Variants in NEK11 observed in about 807,000 individuals in gnomAD.
NEK11 encodes the protein NIMA related kinase 11, also known as serine/threonine-protein kinase Nek11.
A neutral mutation model predicts 80.7 loss-of-function variants in NEK11; 72 were observed. The ratio of observed to expected loss-of-function variants is 0.89; its 90% CI spans 0.74 to 1.08. NEK11 has a LOEUF of 1.08. NEK11 is among the 50% of genes least tolerant of loss of function. The pLI is 0.00. For synonymous variants in NEK11, 251 were observed against 260.7 expected (o/e 0.96, Z 0.36); for missense variants, 764 against 763.6 (o/e 1.00, Z -0.01).
chr3:131,323,626 C>T (rs140931590), intron 17 of NEK11, among the ~76,000 whole-genome samples: 2 of 152,168 alleles, frequency 1.3e-5, no homozygotes, highest in East Asian at 3.9e-4. Context: ...ATGAGAAATT[C>T]GTGAAAATCA....
rs1553878531 is a variant in NEK11, at chr3:131,115,962, C to CTTTCTTTCTTTCTT, written c.455+6043_455+6056dup. Reference sequence around the variant, plus strand: ...TCTTTCTTTCTTTCTTTCTTTCTTTCTTTCTTTCTTTCTTTCTTTCTTTCT... The same window carrying CTTTCTTTCTTTCTT: ...TCTTTCTTTCTTTCTTTCTTTCTTTCTTTCTTTCTTTCTTTTTCTTTCTTTCTTTCTTTCTTTCT... On this transcript the variant is annotated intron_variant, in intron 5 of 17. Transcript: ENST00000383366. Among the ~76,000 whole-genome samples the CTTTCTTTCTTTCTT allele has an allele frequency of 1.3e-3, 186 of 140,990 alleles. 1 individual carries two copies. Among genetic ancestry groups the CTTTCTTTCTTTCTT allele is most frequent in the East Asian group, 7.8e-3 (35 of 4,490 alleles). The allele number at this position is 140,990 out of a possible 152,430, so 92.5% of individuals were successfully genotyped here.
chr3:131,250,803 G>C (rs1302993335), intron 16 of NEK11, among the ~76,000 whole-genome samples: 1 of 152,082 alleles, frequency 6.6e-6, no homozygotes, highest in Non-Finnish European at 1.5e-5. Context: ...GGAGTTTGCA[G>C]TTCCTTTGGT....
chr3:131,344,088 C>T (rs2097326717), intron 17 of NEK11, among the ~76,000 whole-genome samples: 1 of 152,174 alleles, frequency 6.6e-6, no homozygotes, highest in African/African-American at 2.4e-5. Context: ...CTATCCTTCC[C>T]TTTTAAATAT....
At chr3:131,242,181 A>C (rs1189612710) in intron 15 of NEK11, among the ~76,000 whole-genome samples, 1 of 152,162 alleles carries the variant, frequency 6.6e-6, no homozygotes, top group African/African-American at 2.4e-5. Flanking sequence ...ATTTGACTAA[A>C]CTTGAATCTG....
intron 17 of NEK11, among the ~76,000 whole-genome samples, chr3:131,301,802 C>T (rs1320340690): frequency 6.6e-6 from 1 of 151,902 alleles, no homozygotes; most frequent in Non-Finnish European, 1.5e-5. Flanking sequence ...TGGATTTTTG[C>T]ATCTATGTTC....
intron 17 of NEK11, among the ~76,000 whole-genome samples, chr3:131,332,545 T>TA (rs1341448669): frequency 6.6e-6 from 1 of 152,126 alleles, no homozygotes; most frequent in African/African-American, 2.4e-5. Context: ...CTGGAAACTC[T>TA]AAAAAACAGA....
intron 14 of NEK11, among the ~76,000 whole-genome samples, chr3:131,181,619 G>A (rs994427543): frequency 3.3e-5 from 5 of 151,926 alleles, no homozygotes; most frequent in South Asian, 2.1e-4. Context: ...GGTGGCGGGC[G>A]CCTGTAGTCC....
chr3:131,060,832 A>T (rs1047854480), intron 3 of NEK11, among the ~76,000 whole-genome samples: 1 of 152,130 alleles, frequency 6.6e-6, no homozygotes, highest in African/African-American at 2.4e-5. Flanking sequence ...TTTTGATTCT[A>T]GCTTTCCTAG....
At chr3:131,301,602 C>T (rs2096662156) in intron 17 of NEK11, among the ~76,000 whole-genome samples, 2 of 151,466 alleles carry the variant, frequency 1.3e-5, no homozygotes, top group South Asian at 4.2e-4. Context: ...GTTGAATTTT[C>T]TCAAAAATCT....
chr3:131,051,459 A>G (rs767329290), intron 3 of NEK11, among the ~76,000 whole-genome samples: 2 of 152,202 alleles, frequency 1.3e-5, no homozygotes, highest in Non-Finnish European at 2.9e-5. Context: ...AAACTGTCAA[A>G]CAAGTACTTT....
At chr3:131,195,738 A>T (rs956427445) in intron 14 of NEK11, among the ~76,000 whole-genome samples, 2 of 149,678 alleles carry the variant, frequency 1.3e-5, no homozygotes, top group African/African-American at 2.5e-5. Flanking sequence ...CACCTTTGTC[A>T]GTTGTGGTAC....
intron 3 of NEK11, among the ~76,000 whole-genome samples, chr3:131,047,428 C>T (rs1274702482): frequency 1.3e-5 from 2 of 152,164 alleles, no homozygotes; most frequent in African/African-American, 4.8e-5. Flanking sequence ...ATCTGGGGCT[C>T]AAGGACTGCT....
rs1018584728 is a variant in NEK11, at chr3:131,316,127, C to A, written c.1719-33430C>A. ...TACTATAAACATATGATTCAAACAGCCTAATTTTCTGAAAAAGGAAAAAAA... is the reference window on the plus strand; with the variant it reads ...TACTATAAACATATGATTCAAACAGACTAATTTTCTGAAAAAGGAAAAAAA... On this transcript the variant is annotated intron_variant, in intron 17 of 17. Coordinates refer to ENST00000383366, the MANE Select transcript of NEK11 (RefSeq NM_024800.5). 7.2e-4 allele frequency among the ~76,000 whole-genome samples: 110 copies of A among 152,022 alleles called. 2 individuals carry two copies. The highest frequency in any genetic ancestry group is 7.2e-3 in the Admixed American group (110 of 15,260).
At chr3:131,278,519 G>C (rs1262931588) in intron 17 of NEK11, among the ~76,000 whole-genome samples, 1 of 152,016 alleles carries the variant, frequency 6.6e-6, no homozygotes, top group African/African-American at 2.4e-5. Context: ...CTGCTCTCAG[G>C]AAAGGGTTTC....
chr3:131,250,263 A>G (rs191786973), intron 16 of NEK11, among the ~76,000 whole-genome samples: 1 of 152,126 alleles, frequency 6.6e-6, no homozygotes, highest in Admixed American at 6.5e-5. Context: ...AAGAACAGAA[A>G]ATGAAAAAAA....
At chr3:131,042,125 C>T (rs1413639278) in intron 3 of NEK11, among the ~76,000 whole-genome samples, 2 of 152,206 alleles carry the variant, frequency 1.3e-5, no homozygotes, top group Non-Finnish European at 2.9e-5. Flanking sequence ...CATCAGGGGC[C>T]TACACCACAA....
At chr3:131,258,419 A>T (rs963721562) in intron 16 of NEK11, among the ~76,000 whole-genome samples, 1 of 152,212 alleles carries the variant, frequency 6.6e-6, no homozygotes, top group Non-Finnish European at 1.5e-5. Context: ...TCAACCTCCT[A>T]TTACAGAAAA....
At chr3:131,073,334 G>A (rs576561463) in intron 3 of NEK11, among the ~76,000 whole-genome samples, 8 of 152,170 alleles carry the variant, frequency 5.3e-5, no homozygotes, top group African/African-American at 1.9e-4. Flanking sequence ...AAAACTAAAA[G>A]GCAATTTGCA....
chr3:131,278,118 A>C (rs1440524963), intron 17 of NEK11, among the ~76,000 whole-genome samples: 2 of 152,236 alleles, frequency 1.3e-5, no homozygotes, highest in Non-Finnish European at 2.9e-5. Context: ...TGCTAGTGCC[A>C]ATTCTCTGAG....
Sources: gnomAD v4.1 joint callset for allele counts (sites outside exome capture counted in the v4.1 genomes callset) on GRCh38, gnomAD v4.1.1 for gene constraint, MANE v1.5 for transcripts, NCBI Gene and HGNC (gene_info 2026-07-23, HGNC 2026-07-21) for gene names.